The following GRIP1 variants were observed in gnomAD, a reference collection of about 807,000 sequenced individuals.
GRIP1 encodes glutamate receptor interacting protein 1, also known as glutamate receptor-interacting protein 1.
A neutral mutation model predicts 129.9 loss-of-function variants in GRIP1; 45 were observed. That is an observed-to-expected ratio of 0.35 (90% CI 0.27 to 0.44). The LOEUF is 0.44. Among genes scored for constraint, GRIP1 ranks in the 20% least tolerant of loss-of-function variants. The pLI, the probability that GRIP1 is intolerant of heterozygous loss-of-function variation, is 1.00. For missense variants in GRIP1, 1,196 were observed against 1,396.8 expected (o/e 0.86, Z 2.29); for synonymous variants, 530 against 520.8 (o/e 1.02, Z -0.24).
intron 11 of GRIP1, among the ~76,000 whole-genome samples, chr12:66,452,178 T>C (rs1271100472): frequency 6.6e-6 from 1 of 152,158 alleles, no homozygotes; most frequent in Non-Finnish European, 1.5e-5. Context: ...GCTAGATCTG[T>C]TGCTCAGCCA....
intron 1 of GRIP1, among the ~76,000 whole-genome samples, chr12:66,873,752 T>G (rs1345308981): frequency 1.3e-5 from 2 of 152,110 alleles, no homozygotes; most frequent in Non-Finnish European, 2.9e-5. Flanking sequence ...GCATTTGCTT[T>G]CAAAGCACTG....
chr12:66,877,083 A>G (rs1286853571), intron 1 of GRIP1, among the ~76,000 whole-genome samples: 2 of 151,974 alleles, frequency 1.3e-5, no homozygotes. Flanking sequence ...TTTATCAATG[A>G]CGGGTTACCA....
chr12:66,525,625 C>A (rs1007819562), intron 5 of GRIP1, among the ~76,000 whole-genome samples: 7 of 151,618 alleles, frequency 4.6e-5, no homozygotes, highest in African/African-American at 1.7e-4. Flanking sequence ...TGGCACAAGA[C>A]AGGGATGCCC....
At chr12:66,645,267 G>T (rs2032268002) in intron 1 of GRIP1, among the ~76,000 whole-genome samples, 2 of 152,164 alleles carry the variant, frequency 1.3e-5, no homozygotes, top group Admixed American at 6.5e-5. Context: ...CCCAGAGAAA[G>T]TAAGCAGCTC....
intron 1 of GRIP1, among the ~76,000 whole-genome samples, chr12:66,603,480 C>A (rs746269331): frequency 6.6e-6 from 1 of 152,220 alleles, no homozygotes; most frequent in African/African-American, 2.4e-5. Context: ...TCAGCCTCCA[C>A]CCCAACCCAG....
At chr12:66,675,094 T>C (rs1565959269) in intron 1 of GRIP1, among the ~76,000 whole-genome samples, 1 of 152,072 alleles carries the variant, frequency 6.6e-6, no homozygotes, top group African/African-American at 2.4e-5. Context: ...GAAAATAAAA[T>C]GACACGTAGG....
intron 1 of GRIP1, among the ~76,000 whole-genome samples, chr12:66,796,050 C>T (rs1046913984): frequency 2.5e-4 from 38 of 152,068 alleles, no homozygotes; most frequent in Non-Finnish European, 5.1e-4. Context: ...ATTCTACAGA[C>T]AGAGCAAACC....
intron 2 of GRIP1, among the ~76,000 whole-genome samples, chr12:66,545,784 T>A (rs1023511469): frequency 6.6e-6 from 1 of 152,200 alleles, no homozygotes. Flanking sequence ...CTTTAATCAG[T>A]TGTATATCTA....
At chr12:66,473,873 G>T (rs1372171199) in intron 7 of GRIP1, among the ~76,000 whole-genome samples, 1 of 152,108 alleles carries the variant, frequency 6.6e-6, no homozygotes, top group Non-Finnish European at 1.5e-5. Context: ...TGAAGATGAA[G>T]AAAAACCAGT....
chr12:66,895,952 A>G (rs540481747), intron 1 of GRIP1, among the ~76,000 whole-genome samples: 4 of 152,360 alleles, frequency 2.6e-5, no homozygotes, highest in African/African-American at 9.6e-5. Context: ...TGTCATTGAG[A>G]AAAAAGTCAC....
intron 1 of GRIP1, among the ~76,000 whole-genome samples, chr12:66,929,112 T>A (rs1256689420): frequency 6.6e-6 from 1 of 152,222 alleles, no homozygotes; most frequent in African/African-American, 2.4e-5. Context: ...TCTTCCAGTC[T>A]TTGTGTGAAA....
At chr12:66,728,089 T>C (rs923815571) in intron 1 of GRIP1, among the ~76,000 whole-genome samples, 22 of 152,296 alleles carry the variant, frequency 1.4e-4, no homozygotes, top group African/African-American at 4.8e-4. Context: ...AACAGACACA[T>C]TGCCAAAGAT....
At chr12:66,746,596 T>C (rs988170947) in intron 1 of GRIP1, among the ~76,000 whole-genome samples, 1 of 152,200 alleles carries the variant, frequency 6.6e-6, no homozygotes, top group Non-Finnish European at 1.5e-5. Flanking sequence ...TACCCTCCTG[T>C]TGCTCTCTAC....
At chr12:67,001,159 T>G (rs2135681876) in intron 1 of GRIP1, among the ~76,000 whole-genome samples, 1 of 152,322 alleles carries the variant, frequency 6.6e-6, no homozygotes, top group African/African-American at 2.4e-5. Flanking sequence ...TTGTTTATAC[T>G]AGCTCTGGTC....
At chr12:66,998,632 C>G (rs1321184329) in intron 1 of GRIP1, among the ~76,000 whole-genome samples, 1 of 152,090 alleles carries the variant, frequency 6.6e-6, no homozygotes, top group African/African-American at 2.4e-5. Context: ...TCCCAATCAC[C>G]AAAGACCTCA....
chr12:66,928,031 A>G (rs7299786), intron 1 of GRIP1, among the ~76,000 whole-genome samples: 5,748 of 152,334 alleles, frequency 0.038, 242 homozygotes, highest in African/African-American at 0.099. Context: ...AAGAAAAATG[A>G]AGACACAGAA....
intron 1 of GRIP1, among the ~76,000 whole-genome samples, chr12:66,749,857 T>C (rs1015729624): frequency 2.6e-5 from 4 of 152,202 alleles, no homozygotes; most frequent in Non-Finnish European, 4.4e-5. Context: ...CTCCCTGTTA[T>C]GGTGGACTGC....
chr12:67,058,210 T>C (rs1162205990), intron 1 of GRIP1, among the ~76,000 whole-genome samples: 2 of 152,252 alleles, frequency 1.3e-5, no homozygotes, highest in Non-Finnish European at 2.9e-5. Context: ...TGTTTTATCA[T>C]CATTGCTTTT....
intron 1 of GRIP1, among the ~76,000 whole-genome samples, chr12:66,870,039 A>G (rs2040269426): frequency 6.6e-6 from 1 of 152,078 alleles, no homozygotes; most frequent in Admixed American, 6.6e-5. Flanking sequence ...TCTACCCATT[A>G]GATGCCAGTA....
Sources: allele counts gnomAD v4.1 joint callset (sites outside exome capture counted in the v4.1 genomes callset), GRCh38; gene constraint gnomAD v4.1.1; transcripts MANE v1.5; gene names NCBI Gene and HGNC (gene_info 2026-07-23, HGNC 2026-07-21).